The following ADGRL2 variants were observed in gnomAD, a reference collection of about 807,000 sequenced individuals.
ADGRL2 encodes the protein adhesion G protein-coupled receptor L2.
ADGRL2 carries 44 observed loss-of-function variants against 157.4 expected under a neutral mutation model. That is an observed-to-expected ratio of 0.28 (90% CI 0.22 to 0.36). ADGRL2 has a LOEUF of 0.36. ADGRL2 is among the 10% of genes least tolerant of loss of function. The pLI, the probability that ADGRL2 is intolerant of heterozygous loss-of-function variation, is 1.00. For missense variants in ADGRL2, 1,510 were observed against 1,768.9 expected (o/e 0.85, Z 2.63); for synonymous variants, 585 against 624.7 (o/e 0.94, Z 0.95).
At chr1:81,370,156 G>A (rs896311942) in intron 1 of ADGRL2, among the ~76,000 whole-genome samples, 1 of 152,088 alleles carries the variant, frequency 6.6e-6, no homozygotes, top group Non-Finnish European at 1.5e-5. Context: ...AAAAAAAAAG[G>A]CTCTAACTTA....
At chr1:81,437,562 G>A (rs2077431224) in intron 1 of ADGRL2, among the ~76,000 whole-genome samples, 1 of 152,206 alleles carries the variant, frequency 6.6e-6, no homozygotes, top group South Asian at 2.1e-4. Context: ...GATGTGTGAT[G>A]TGTTTTCAAT....
intron 2 of ADGRL2, among the ~76,000 whole-genome samples, chr1:81,861,341 T>C (rs2093381730): frequency 6.6e-6 from 1 of 152,170 alleles, no homozygotes; most frequent in South Asian, 2.1e-4. Flanking sequence ...TTTAATTGGA[T>C]GATAAAGTAG....
intron 3 of ADGRL2, among the ~76,000 whole-genome samples, chr1:81,930,755 CAG>C (rs941572342): frequency 9.8e-4 from 149 of 152,184 alleles, no homozygotes; most frequent in African/African-American, 3.5e-3. Flanking sequence ...GGCTTCATTC[CAG>C]AATTGAACCA....
chr1:81,578,526 A>G (rs2080841495), intron 2 of ADGRL2, among the ~76,000 whole-genome samples: 1 of 152,178 alleles, frequency 6.6e-6, no homozygotes, highest in African/African-American at 2.4e-5. Flanking sequence ...TTTGAATCTG[A>G]TGCTTCCACC....
chr1:81,986,808 T>C, intron 21 of ADGRL2, 93 bp from the exon 22 acceptor site: 1 of 1,303,728 alleles, frequency 7.7e-7, no homozygotes. Flanking sequence ...CCTTGATGAA[T>C]ATAAAAAAAA....
intron 1 of ADGRL2, among the ~76,000 whole-genome samples, chr1:81,338,233 C>G (rs1661795766): frequency 6.7e-6 from 1 of 149,396 alleles, no homozygotes; most frequent in African/African-American, 2.6e-5. Context: ...CTCTGTGGTG[C>G]CAGCTTGTAA....
At position 81,966,469 on chromosome 1, in the gene ADGRL2, A is replaced by G. The variant is rs758149184; in HGVS notation, c.2209A>G (p.Thr737Ala). 3.7e-6 allele frequency: 6 copies of G among 1,614,052 alleles called. No homozygotes were observed. Among genetic ancestry groups the G allele is most frequent in the Admixed American group, 1.7e-5 (1 of 60,008 alleles). Residue 737 changes from threonine (T) to alanine (A), a missense_variant, in exon 13 of 24, where the codon ACC becomes GCC. By Grantham distance (58) the Thr-to-Ala change is moderately conservative. Transcript: ENST00000686636. Reference protein sequence around the residue: ...LGQFLSTENATIKLGADFIGR... With the variant: ...LGQFLSTENAAIKLGADFIGR... ...ACAGTTCCTTAGTACAGAAAATGCA[A>G]CCATTAAACTGGGTGCTGATTTTAT...
At chr1:81,684,449 T>C (rs761730457) in intron 3 of ADGRL2, among the ~76,000 whole-genome samples, 55 of 152,332 alleles carry the variant, frequency 3.6e-4, no homozygotes, top group Admixed American at 1.2e-3. Flanking sequence ...AATTGTCTAT[T>C]CATGTCCTTA....
chr1:81,966,036 C>G (rs752898995), intron 11 of ADGRL2, 22 bp from the exon 12 acceptor site: 15 of 1,611,636 alleles, frequency 9.3e-6, no homozygotes, highest in Non-Finnish European at 1.3e-5. Context: ...TCCCCACCTC[C>G]TTTATCTTTT....
intron 11 of ADGRL2, among the ~76,000 whole-genome samples, chr1:81,962,442 T>C (rs1486416002): frequency 6.6e-6 from 1 of 152,182 alleles, no homozygotes; most frequent in Non-Finnish European, 1.5e-5. Flanking sequence ...GTCTGGGCTT[T>C]CTCTTTTTAT....
In ADGRL2 at chr1:81,545,841, A is replaced by G. The variant is rs1368608127; in HGVS notation, c.-247-35035A>G. Among the ~76,000 whole-genome samples, 3 of 152,010 alleles carry G rather than the reference A, an allele frequency of 2.0e-5. No homozygotes were observed. In the East Asian group the frequency reaches 5.8e-4, roughly 29 times the overall value. On this transcript the variant is annotated intron_variant, in intron 2 of 24. Transcript: ENST00000370721. ...TATCAATAAACTCCAGTGCTTCCCC[A>G]TGGGTCATCTTGCCTCCTGCGGTAT... is the stretch of plus-strand genomic sequence containing the variant.
intron 1 of ADGRL2, among the ~76,000 whole-genome samples, chr1:81,325,697 G>C (rs926781784): frequency 6.6e-6 from 1 of 152,198 alleles, no homozygotes; most frequent in Non-Finnish European, 1.5e-5. Flanking sequence ...TCTTTAATTT[G>C]TAATGGTTTG....
chr1:81,764,639 TAA>T (rs2086048332), intron 2 of ADGRL2, among the ~76,000 whole-genome samples: 1 of 152,094 alleles, frequency 6.6e-6, no homozygotes, highest in Admixed American at 6.5e-5. Flanking sequence ...ATTGAGGAGT[TAA>T]AGAGTATTTT....
intron 6 of ADGRL2, among the ~76,000 whole-genome samples, chr1:81,946,911 T>C (rs972680380): frequency 6.6e-6 from 1 of 152,146 alleles, no homozygotes; most frequent in Non-Finnish European, 1.5e-5. Context: ...TTAGCATAAA[T>C]GTCTGTTGTC....
At chr1:81,667,136 GACTCTAAC>G (rs753497330) in intron 3 of ADGRL2, among the ~76,000 whole-genome samples, 12 of 152,098 alleles carry the variant, frequency 7.9e-5, no homozygotes, top group Non-Finnish European at 1.5e-4. Context: ...ACGAATTCAT[GACTCTAAC>G]AAAAGAACGG....
At chr1:81,826,888 T>C (rs1211585949) in intron 1 of ADGRL2, among the ~76,000 whole-genome samples, 1 of 152,196 alleles carries the variant, frequency 6.6e-6, no homozygotes, top group Non-Finnish European at 1.5e-5. Context: ...TTTTGTCTTA[T>C]ATATATAATG....
At chr1:81,406,285 C>T (rs550998920) in intron 1 of ADGRL2, among the ~76,000 whole-genome samples, 2 of 152,276 alleles carry the variant, frequency 1.3e-5, no homozygotes, top group East Asian at 3.9e-4. Context: ...TTTAACACTG[C>T]TTTGAGATAA....
intron 21 of ADGRL2, among the ~76,000 whole-genome samples, chr1:81,985,687 G>A (rs1386647608): frequency 6.6e-6 from 1 of 151,636 alleles, no homozygotes; most frequent in Non-Finnish European, 1.5e-5. Context: ...CTAAAAACAT[G>A]TGTAGTAAAT....
intron 1 of ADGRL2, among the ~76,000 whole-genome samples, chr1:81,382,586 G>A (rs1207871935): frequency 1.3e-5 from 2 of 152,140 alleles, no homozygotes; most frequent in East Asian, 1.9e-4. Flanking sequence ...ATGAAGCATG[G>A]AGGGGTGGGG....
Sources: allele counts gnomAD v4.1 joint callset (sites outside exome capture counted in the v4.1 genomes callset), GRCh38; gene constraint gnomAD v4.1.1; transcripts MANE v1.5; gene names NCBI Gene and HGNC (gene_info 2026-07-23, HGNC 2026-07-21).